Variants in FHIT observed in about 807,000 individuals in gnomAD.
The protein encoded by FHIT is fragile histidine triad diadenosine triphosphatase.
Under a neutral mutation model 17.9 loss-of-function variants are expected in FHIT, and 19 were observed. The observed-to-expected ratio is 1.06, with a 90% confidence interval of 0.74 to 1.56. The LOEUF is 1.56. Among genes scored for constraint, FHIT ranks in the 40% most tolerant of loss-of-function variants. FHIT has a pLI of 0.00. For synonymous variants in FHIT, 81 were observed against 69.7 expected (o/e 1.16, Z -0.81); for missense variants, 248 against 189.2 (o/e 1.31, Z -1.82).
intron 5 of FHIT, among the ~76,000 whole-genome samples, chr3:60,095,185 C>A (rs138551602): frequency 1.3e-5 from 2 of 152,082 alleles, no homozygotes; most frequent in African/African-American, 4.8e-5. Flanking sequence ...AGAGGCACAA[C>A]GATGCATTTT....
intron 5 of FHIT, among the ~76,000 whole-genome samples, chr3:60,333,386 T>C (rs769107646): frequency 6.6e-6 from 1 of 152,156 alleles, no homozygotes; most frequent in African/African-American, 2.4e-5. Flanking sequence ...AAGAAGTAGA[T>C]ACAGTTAGTT....
At chr3:60,369,529 C>G (rs1052848225) in intron 5 of FHIT, among the ~76,000 whole-genome samples, 7 of 152,078 alleles carry the variant, frequency 4.6e-5, no homozygotes, top group African/African-American at 1.7e-4. Flanking sequence ...CTTTTCTTCC[C>G]TTAACATATT....
chr3:60,535,856 C>G (rs1379041227), intron 5 of FHIT: 1 of 149,160 alleles, frequency 6.7e-6, no homozygotes, highest in Non-Finnish European at 1.5e-5. Context: ...AGAAAAGAAG[C>G]TTGTTCATAA....
chr3:61,019,252 G>C (rs1219750102), intron 3 of FHIT, among the ~76,000 whole-genome samples: 1 of 152,172 alleles, frequency 6.6e-6, no homozygotes, highest in Non-Finnish European at 1.5e-5. Flanking sequence ...TTAGAGATTA[G>C]TTCAAAGAGT....
intron 4 of FHIT, among the ~76,000 whole-genome samples, chr3:60,681,390 T>C (rs77778434): frequency 0.016 from 2,440 of 152,266 alleles, 60 homozygotes; most frequent in African/African-American, 0.055. Context: ...GGCTTCCCTA[T>C]TCCCTGAGAC....
At chr3:59,833,171 TG>T (rs1308479571) in intron 8 of FHIT, among the ~76,000 whole-genome samples, 1 of 152,162 alleles carries the variant, frequency 6.6e-6, no homozygotes. Context: ...TGGGTTGAAC[TG>T]GGTTCCTTCT....
chr3:60,148,774 G>A (rs1392954252), intron 5 of FHIT, among the ~76,000 whole-genome samples: 1 of 152,188 alleles, frequency 6.6e-6, no homozygotes, highest in Non-Finnish European at 1.5e-5. Context: ...GCTCAGAAGA[G>A]AAAGACACAT....
chr3:60,692,385 T>C (rs534215624), intron 4 of FHIT, among the ~76,000 whole-genome samples: 2 of 152,308 alleles, frequency 1.3e-5, no homozygotes, highest in African/African-American at 2.4e-5. Flanking sequence ...TAGAATTAAG[T>C]TTGCTAATCG....
At chr3:59,852,742 T>G (rs1575590530) in intron 8 of FHIT, among the ~76,000 whole-genome samples, 2 of 152,196 alleles carry the variant, frequency 1.3e-5, no homozygotes, top group African/African-American at 4.8e-5. Context: ...TAATTTTGCC[T>G]TTTCCAGAAT....
chr3:60,830,269 G>T (rs2106812270), intron 3 of FHIT, among the ~76,000 whole-genome samples: 1 of 151,878 alleles, frequency 6.6e-6, no homozygotes, highest in African/African-American at 2.4e-5. Flanking sequence ...AAAGGGTAAA[G>T]AGAAAATTAT....
At chr3:60,368,641 G>A (rs1217209682) in intron 5 of FHIT, among the ~76,000 whole-genome samples, 18 of 151,540 alleles carry the variant, frequency 1.2e-4, no homozygotes, top group Non-Finnish European at 2.4e-4. Context: ...TTCTCAACTG[G>A]GTCTTTTGAT....
At chr3:59,853,176 C>G (rs1386164064) in intron 8 of FHIT, among the ~76,000 whole-genome samples, 2 of 152,218 alleles carry the variant, frequency 1.3e-5, no homozygotes, top group Non-Finnish European at 2.9e-5. Flanking sequence ...CACATCCTCT[C>G]TAGCATTTGG....
At chr3:60,168,758 C>T (rs558274818) in intron 5 of FHIT, among the ~76,000 whole-genome samples, 3 of 152,274 alleles carry the variant, frequency 2.0e-5, no homozygotes, top group South Asian at 2.1e-4. Flanking sequence ...TTGTCAATGG[C>T]ACCACACAGT....
intron 5 of FHIT, among the ~76,000 whole-genome samples, chr3:60,340,524 C>G (rs1253913044): frequency 6.6e-6 from 1 of 152,126 alleles, no homozygotes; most frequent in Non-Finnish European, 1.5e-5. Context: ...AGGACTTGAA[C>G]TTCAGACAAG....
intron 8 of FHIT, among the ~76,000 whole-genome samples, chr3:59,783,802 G>T (rs960595554): frequency 1.3e-5 from 2 of 152,128 alleles, no homozygotes; most frequent in Non-Finnish European, 2.9e-5. Flanking sequence ...CCCCACCAGT[G>T]AAAAACCAAT....
chr3:61,042,129 G>A (rs2107692302), intron 2 of FHIT, 30 bp from the exon 3 acceptor site: 1 of 152,290 alleles, frequency 6.6e-6, no homozygotes, highest in African/African-American at 2.4e-5. Flanking sequence ...CAAGATGGGA[G>A]ACATATGAAA....
intron 4 of FHIT, among the ~76,000 whole-genome samples, chr3:60,719,202 C>G (rs2041754940): frequency 6.6e-6 from 1 of 152,186 alleles, no homozygotes; most frequent in Non-Finnish European, 1.5e-5. Context: ...TTATTACCCT[C>G]ATTACAGGGT....
chr3:60,918,972 G>A (rs567162682), intron 3 of FHIT, among the ~76,000 whole-genome samples: 1 of 152,058 alleles, frequency 6.6e-6, no homozygotes, highest in African/African-American at 2.4e-5. Context: ...TTATTCATAT[G>A]TAAACTTCTA....
chr3:60,193,926 G>T (rs937624288), intron 5 of FHIT, among the ~76,000 whole-genome samples: 1 of 152,162 alleles, frequency 6.6e-6, no homozygotes, highest in Non-Finnish European at 1.5e-5. Flanking sequence ...CCAATCTAAA[G>T]AACTTGAAAG....
Sources: gnomAD v4.1 joint callset for allele counts (sites outside exome capture counted in the v4.1 genomes callset) on GRCh38, gnomAD v4.1.1 for gene constraint, MANE v1.5 for transcripts, NCBI Gene and HGNC (gene_info 2026-07-23, HGNC 2026-07-21) for gene names.